The following POLN variants were observed in gnomAD, a reference collection of about 807,000 sequenced individuals.
POLN encodes the protein DNA polymerase nu, also known as DNA polymerase N.
In POLN, 108 loss-of-function variants were observed where a neutral mutation model predicts 113.5. The ratio of observed to expected loss-of-function variants is 0.95; its 90% CI spans 0.81 to 1.12. The LOEUF is 1.12. Ranked by LOEUF, POLN falls within the 50% of genes most tolerant of loss-of-function variation. POLN has a pLI of 0.00. For synonymous variants in POLN, 386 were observed against 391.5 expected, an observed-to-expected ratio of 0.99 and a Z score of 0.17; for missense variants, 1,097 against 1,077.1, an observed-to-expected ratio of 1.02 and a Z score of -0.26.
intron 24 of POLN, among the ~76,000 whole-genome samples, chr4:2,073,485 AC>A (rs1442871596): frequency 1.3e-5 from 2 of 151,782 alleles, no homozygotes; most frequent in South Asian, 4.1e-4. Context: ...GCACACAAGA[AC>A]CCCCCATCCC....
intron 3 of POLN, among the ~76,000 whole-genome samples, chr4:2,221,027 A>G (rs1734239691): frequency 6.6e-6 from 1 of 152,074 alleles, no homozygotes; most frequent in African/African-American, 2.4e-5. Flanking sequence ...ATTTTTCAAG[A>G]CAGAAGCTCT....
At chr4:2,122,618 C>T (rs1466619452) in intron 19 of POLN, among the ~76,000 whole-genome samples, 8 of 152,130 alleles carry the variant, frequency 5.3e-5, no homozygotes, top group African/African-American at 1.9e-4. Context: ...GAAACTTGAA[C>T]CCCACACACC....
At chr4:2,145,312 G>C (rs1732109316) in intron 16 of POLN, among the ~76,000 whole-genome samples, 2 of 152,004 alleles carry the variant, frequency 1.3e-5, no homozygotes, top group Admixed American at 6.6e-5. Flanking sequence ...CCACAAATTT[G>C]ACAATATTTT....
intron 20 of POLN, among the ~76,000 whole-genome samples, chr4:2,090,973 A>G (rs1413451590): frequency 6.6e-6 from 1 of 152,168 alleles, no homozygotes; most frequent in Admixed American, 6.5e-5. Flanking sequence ...CCAGTTCTTC[A>G]AGCTAGTAGG....
chr4:2,075,072 G>A (rs770848540), intron 24 of POLN, among the ~76,000 whole-genome samples: 1 of 152,178 alleles, frequency 6.6e-6, no homozygotes, highest in African/African-American at 2.4e-5. Flanking sequence ...TGCCAGCTCC[G>A]CAGCCCCCAA....
At chr4:2,170,909 T>C in intron 12 of POLN, 135 bp from the exon 13 acceptor site, 1 of 929,638 alleles carries the variant, frequency 1.1e-6, no homozygotes, top group African/African-American at 1.7e-5. Context: ...AAATTCTCAT[T>C]TAGTACTTTT....
chr4:2,081,864 C>G (rs1281091329), intron 21 of POLN, 121 bp from the exon 22 acceptor site: 1 of 773,912 alleles, frequency 1.3e-6, no homozygotes, highest in African/African-American at 1.7e-5. Flanking sequence ...AGACTCCAAG[C>G]CTCCCCTGGG....
At chr4:2,089,452 T>C (rs914945020) in intron 20 of POLN, 25 of 1,408,654 alleles carry the variant, frequency 1.8e-5, no homozygotes, top group African/African-American at 2.9e-5. Flanking sequence ...CTGGCTTATA[T>C]TGTTTTCTTT....
At chr4:2,136,856 T>G (rs1731870229) in intron 16 of POLN, among the ~76,000 whole-genome samples, 1 of 152,250 alleles carries the variant, frequency 6.6e-6, no homozygotes, top group South Asian at 2.1e-4. Flanking sequence ...GTTGACTATG[T>G]CCTTGCAGCC....
chr4:2,236,299 G>A (rs200225570), intron 2 of POLN: 221 of 1,613,386 alleles, frequency 1.4e-4, no homozygotes, highest in South Asian at 2.4e-4. Context: ...TCCTTATTCC[G>A]TTTGGACAGA....
At chr4:2,184,187 T>C (rs7659386) in intron 7 of POLN, among the ~76,000 whole-genome samples, 33,774 of 139,952 alleles carry the variant, frequency 0.24, 6,321 homozygotes, top group African/African-American at 0.51. Context: ...GGTACATACA[T>C]ATCTTGCAAA....
At chr4:2,144,494 T>G (rs1732085658) in intron 16 of POLN, among the ~76,000 whole-genome samples, 2 of 152,138 alleles carry the variant, frequency 1.3e-5, no homozygotes, top group Non-Finnish European at 2.9e-5. Context: ...ATTCATTCAT[T>G]GTATTCATCA....
chr4:2,116,559 A>AG (rs1287647275), intron 19 of POLN, among the ~76,000 whole-genome samples: 1 of 151,688 alleles, frequency 6.6e-6, no homozygotes, highest in Admixed American at 6.6e-5. Flanking sequence ...ATTAAAAAAA[A>AG]AAAACCCAAA....
At position 2,241,643 on chromosome 4, in the gene POLN, G is replaced by A. The variant is rs7671997; in HGVS notation, c.-136C>T. 1 of 985,436 alleles carries A rather than the reference G, an allele frequency of 1.0e-6. No individual in the cohort carries two copies. Among genetic ancestry groups the A allele is most frequent in the Non-Finnish European group, 1.2e-6 (1 of 829,936 alleles). The allele number at this position is 985,436 out of a possible 1,614,324, so 61.0% of individuals were successfully genotyped here. A position where few individuals can be genotyped will look rare whatever the true frequency, so the allele number is the denominator to read the frequency against. On this transcript the variant is annotated 5_prime_UTR_variant, in exon 2 of 26. Transcript: ENST00000511885. ...TGCTTCGGGCCGGCCTTCAGCCAGC[G>A]CTGAGGCAGCCCCGACGCCAGGGCC...
Position 2,075,566 on chromosome 4 carries a change from C to T in POLN, c.2388-47G>A, listed in dbSNP as rs573013530. On this transcript the variant is annotated intron_variant, in intron 23 of 25. Coordinates refer to ENST00000511885, the MANE Select transcript of POLN (RefSeq NM_181808.4). The stretch of plus-strand genomic sequence containing the variant: ...ACCCTGGGAGGCCAGGACTGTGGGG[C>T]GTGGGCCACCAGCCTGGCAGGGAGG... The T allele has an allele frequency of 1.3e-5, 20 of 1,592,034 alleles. No homozygotes were observed. In the East Asian group the frequency reaches 1.6e-4, roughly 12 times the overall value.
intron 19 of POLN, among the ~76,000 whole-genome samples, chr4:2,107,950 T>C (rs531917082): frequency 6.6e-6 from 1 of 152,334 alleles, no homozygotes; most frequent in South Asian, 2.1e-4. Flanking sequence ...CCTCTGAGTG[T>C]CACCTGATCC....
intron 16 of POLN, among the ~76,000 whole-genome samples, chr4:2,152,874 C>A (rs973316254): frequency 6.6e-6 from 1 of 152,124 alleles, no homozygotes; most frequent in Admixed American, 6.5e-5. Flanking sequence ...TTGCTCAGGG[C>A]AGAGACAGGC....
At chr4:2,223,098 G>GC (rs1283141001) in intron 3 of POLN, among the ~76,000 whole-genome samples, 1 of 152,172 alleles carries the variant, frequency 6.6e-6, no homozygotes, top group Non-Finnish European at 1.5e-5. Flanking sequence ...GTGATACATT[G>GC]CAAGAAATGC....
intron 3 of POLN, among the ~76,000 whole-genome samples, chr4:2,224,590 T>C (rs1577785550): frequency 1.3e-5 from 2 of 152,180 alleles, no homozygotes; most frequent in Admixed American, 6.5e-5. Flanking sequence ...CTATATACTA[T>C]ATACAGAGTG....
Sources: allele counts gnomAD v4.1 joint callset (sites outside exome capture counted in the v4.1 genomes callset), GRCh38; gene constraint gnomAD v4.1.1; transcripts MANE v1.5; gene names NCBI Gene and HGNC (gene_info 2026-07-23, HGNC 2026-07-21).